MACROD1: variants seen among roughly 807,000 people sequenced by gnomAD.
MACROD1 encodes the protein ADP-ribose glycohydrolase MACROD1.
Under a neutral mutation model 41.4 loss-of-function variants are expected in MACROD1, and 31 were observed. The ratio of observed to expected loss-of-function variants is 0.75; its 90% CI spans 0.56 to 1.01. The LOEUF is 1.01. Among genes scored for constraint, MACROD1 ranks in the 50% least tolerant of loss-of-function variants. The pLI, the probability that MACROD1 is intolerant of heterozygous loss-of-function variation, is 0.00. For synonymous variants in MACROD1, 252 were observed against 203.4 expected (o/e 1.24, Z -2.03); for missense variants, 473 against 460.0 (o/e 1.03, Z -0.26).
chr11:64,095,207 G>A (rs1011916148), intron 3 of MACROD1, among the ~76,000 whole-genome samples: 2 of 152,160 alleles, frequency 1.3e-5, no homozygotes, highest in African/African-American at 4.8e-5. Flanking sequence ...ATTTAAAATA[G>A]TCTCTCTTTT....
intron 4 of MACROD1, among the ~76,000 whole-genome samples, chr11:64,007,782 C>T (rs1416029724): frequency 6.6e-6 from 1 of 152,226 alleles, no homozygotes; most frequent in African/African-American, 2.4e-5. Context: ...CACACAACAC[C>T]CACCAGACTG....
intron 1 of MACROD1, among the ~76,000 whole-genome samples, chr11:64,154,329 C>T (rs1945632217): frequency 6.6e-6 from 1 of 152,094 alleles, no homozygotes; most frequent in Non-Finnish European, 1.5e-5. Context: ...AGACCCTGCA[C>T]CAGGGGTCCC....
chr11:64,135,094 G>A (rs951924988), intron 3 of MACROD1, among the ~76,000 whole-genome samples: 2 of 152,234 alleles, frequency 1.3e-5, no homozygotes, highest in African/African-American at 4.8e-5. Flanking sequence ...AAAACCCAGA[G>A]GGCTTATTTT....
At position 64,122,053 on chromosome 11, in the gene MACROD1, G is replaced by T. The variant is rs1489455312; in HGVS notation, c.517+29186C>A. On this transcript the variant is annotated intron_variant, in intron 3 of 10. Transcript: ENST00000255681. The surrounding 1 kb of genome is among the most constrained non-coding windows in gnomAD (Gnocchi z 4.0). Reference sequence around the variant, plus strand: ...AGGCCGGGAATCATTTGCATTTTGCGAATGAGGCCTCTTGTAAGCTCAGCT... The same window carrying T: ...AGGCCGGGAATCATTTGCATTTTGCTAATGAGGCCTCTTGTAAGCTCAGCT... Among the ~76,000 whole-genome samples, 1 of 152,092 alleles carries T rather than the reference G, an allele frequency of 6.6e-6. No homozygotes were observed. Among genetic ancestry groups the T allele is most frequent in the Non-Finnish European group, 1.5e-5 (1 of 68,014 alleles).
chr11:64,110,040 C>T (rs1013946451), intron 3 of MACROD1, among the ~76,000 whole-genome samples: 1 of 152,112 alleles, frequency 6.6e-6, no homozygotes, highest in African/African-American at 2.4e-5. Flanking sequence ...GGGTACTCTG[C>T]ACATATAATG....
At chr11:64,095,955 G>C (rs968826888) in intron 3 of MACROD1, among the ~76,000 whole-genome samples, 1 of 140,292 alleles carries the variant, frequency 7.1e-6, no homozygotes, top group Admixed American at 7.4e-5. Context: ...TCTCCCTGGG[G>C]AGTCTCCAGC....
chr11:64,084,518 T>C (rs752012444), intron 3 of MACROD1, among the ~76,000 whole-genome samples: 1 of 152,210 alleles, frequency 6.6e-6, no homozygotes, highest in Non-Finnish European at 1.5e-5. Context: ...GGGCCTGGGC[T>C]TGGGTCATCG....
chr11:64,123,998 A>G (rs1945139577), intron 3 of MACROD1, among the ~76,000 whole-genome samples: 1 of 152,190 alleles, frequency 6.6e-6, no homozygotes, highest in Admixed American at 6.5e-5. Flanking sequence ...GGACACTGAA[A>G]GGGAGCAGAT....
intron 3 of MACROD1, among the ~76,000 whole-genome samples, chr11:64,072,570 G>A (rs767993322): frequency 4.6e-5 from 7 of 152,254 alleles, no homozygotes; most frequent in African/African-American, 1.4e-4. Flanking sequence ...GCATCCTGAC[G>A]TGTGGCCTTG....
At chr11:63,999,856 AAC>A in intron 5 of MACROD1, 93 bp from the exon 6 acceptor site, 1 of 1,376,518 alleles carries the variant, frequency 7.3e-7, no homozygotes, top group Non-Finnish European at 9.8e-7. Context: ...GGGGGCAGGA[AAC>A]ACCTTTCCCC....
chr11:64,087,542 C>A (rs1241497369), intron 3 of MACROD1, among the ~76,000 whole-genome samples: 3 of 152,248 alleles, frequency 2.0e-5, no homozygotes, highest in Non-Finnish European at 4.4e-5. Context: ...GGCAAGCACG[C>A]AGTCCCCAAG....
chr11:64,160,386 C>G (rs1479882899), intron 1 of MACROD1, among the ~76,000 whole-genome samples: 2 of 152,178 alleles, frequency 1.3e-5, no homozygotes, highest in Non-Finnish European at 2.9e-5. Flanking sequence ...ATACGTCAGT[C>G]TCTTGTGAGT....
Position 64,116,375 on chromosome 11 carries a change from C to T in MACROD1, c.517+34864G>A, listed in dbSNP as rs200588570. ...CCATGGACCTGCGGGACTGGCTGTT[C>T]CTCTGCTACGGGCTCATCGCCTTCC... is the stretch of plus-strand genomic sequence containing the variant. On this transcript the variant is annotated intron_variant, in intron 3 of 10. Coordinates refer to ENST00000255681, the MANE Select transcript of MACROD1 (RefSeq NM_014067.4). 2,683 of 1,613,646 alleles carry T rather than the reference C, an allele frequency of 1.7e-3. 27 individuals carry two copies. The highest frequency in any genetic ancestry group is 8.2e-3 in the Middle Eastern group (50 of 6,062).
At chr11:64,119,307 A>G (rs1302263934) in intron 3 of MACROD1, 1 of 152,980 alleles carries the variant, frequency 6.5e-6, no homozygotes, top group Non-Finnish European at 1.5e-5. Flanking sequence ...CGGGTGGCTT[A>G]GGGAGGCGTC....
chr11:64,121,255 G>A (rs111871730), intron 3 of MACROD1, among the ~76,000 whole-genome samples: 2 of 152,222 alleles, frequency 1.3e-5, no homozygotes, highest in Non-Finnish European at 1.5e-5. Context: ...AGGACCACGC[G>A]AGTCTCCTGT....
chr11:64,103,069 CA>C (rs36005898), intron 3 of MACROD1: 22,122 of 139,996 alleles, frequency 0.16, 2,003 homozygotes, highest in East Asian at 0.23. Flanking sequence ...GACTCCATCT[CA>C]AAAAAAAAAA....
intron 3 of MACROD1, among the ~76,000 whole-genome samples, chr11:64,145,456 G>A (rs1273463755): frequency 1.3e-5 from 2 of 152,094 alleles, no homozygotes; most frequent in Non-Finnish European, 2.9e-5. Flanking sequence ...CCGTGTGCCA[G>A]GCCCTGGGCC....
chr11:64,158,758 G>C (rs74555140), intron 1 of MACROD1, among the ~76,000 whole-genome samples: 2 of 152,164 alleles, frequency 1.3e-5, no homozygotes, highest in Admixed American at 1.3e-4. Context: ...ATGATACAGC[G>C]CCAGATACCG....
chr11:64,093,642 G>A (rs1944528312), intron 3 of MACROD1, among the ~76,000 whole-genome samples: 1 of 152,246 alleles, frequency 6.6e-6, no homozygotes, highest in African/African-American at 2.4e-5. Context: ...GCTGAAGACA[G>A]GAGACTGCCC....
Sources: allele counts gnomAD v4.1 joint callset (sites outside exome capture counted in the v4.1 genomes callset), GRCh38; gene constraint gnomAD v4.1.1; non-coding constraint Gnocchi (gnomAD v3.1); transcripts MANE v1.5; gene names NCBI Gene and HGNC (gene_info 2026-07-23, HGNC 2026-07-21).